The following DOCK5 variants were observed in gnomAD, a reference collection of about 807,000 sequenced individuals.
The protein encoded by DOCK5 is dedicator of cytokinesis protein 5.
In DOCK5, 142 loss-of-function variants were observed where a neutral mutation model predicts 251.8. The observed-to-expected ratio is 0.56, with a 90% CI of 0.49 to 0.65. The LOEUF (loss-of-function observed/expected upper bound fraction) is 0.65. DOCK5 is among the 30% of genes least tolerant of loss of function. DOCK5 has a pLI of 0.00. For synonymous variants in DOCK5, 842 were observed against 835.5 expected, an observed-to-expected ratio of 1.01 and a Z score of -0.13; for missense variants, 2,111 against 2,312.3, an observed-to-expected ratio of 0.91 and a Z score of 1.79.
chr8:25,363,226 C>T, intron 29 of DOCK5, 85 bp downstream of exon 29: 1 of 1,160,430 alleles, frequency 8.6e-7, no homozygotes, highest in Non-Finnish European at 1.3e-6. Context: ...CTTTAAATCC[C>T]TTTGCCTCAA....
At position 25,323,916 on chromosome 8, in the gene DOCK5, C is replaced by T. The variant is rs1299362195; in HGVS notation, c.1684C>T (p.Leu562=). Residue 562 remains leucine (L), a synonymous_variant, in exon 17 of 52, where the codon CTG becomes TTG. Coordinates refer to ENST00000276440, the MANE Select transcript of DOCK5 (RefSeq NM_024940.8). The stretch of plus-strand genomic sequence containing the variant: ...GCTGATGAACCCGGATGGCACCACT[C>T]TGCAGGATGGGAGGCACGATCTGGT... ...VKLMNPDGTT[L]QDGRHDLVVY... The T allele has an allele frequency of 6.2e-7, 1 of 1,613,336 alleles. No individual in the cohort carries two copies. Among genetic ancestry groups the T allele is most frequent in the Admixed American group, 1.7e-5 (1 of 59,948 alleles).
At chr8:25,381,934 G>T (rs1284450061) in intron 39 of DOCK5, among the ~76,000 whole-genome samples, 3 of 152,062 alleles carry the variant, frequency 2.0e-5, no homozygotes, top group Non-Finnish European at 4.4e-5. Context: ...CCACCTTCTG[G>T]GCACTTATAA....
At chr8:25,341,952 A>G in intron 24 of DOCK5, 143 bp downstream of exon 24, 2 of 701,454 alleles carry the variant, frequency 2.9e-6, no homozygotes, top group South Asian at 2.1e-5. Flanking sequence ...TCTGTGGAAG[A>G]TGCAAAAGAA....
intron 1 of DOCK5, among the ~76,000 whole-genome samples, chr8:25,188,373 A>G (rs1717599318): frequency 1.3e-5 from 2 of 152,166 alleles, no homozygotes; most frequent in East Asian, 3.9e-4. Flanking sequence ...GGATGAAGGA[A>G]CCGTAGGATA....
intron 47 of DOCK5, among the ~76,000 whole-genome samples, chr8:25,402,336 G>T (rs767567587): frequency 6.6e-6 from 1 of 151,418 alleles, no homozygotes; most frequent in South Asian, 2.1e-4. Context: ...TCGCTCTGTC[G>T]CCCAGGCTGG....
intron 10 of DOCK5, 106 bp downstream of exon 10, chr8:25,302,560 C>G: frequency 7.2e-7 from 1 of 1,379,384 alleles, no homozygotes; most frequent in South Asian, 1.6e-5. Context: ...GATCCAGCTG[C>G]CCTGCTTCAA....
chr8:25,226,273 T>G (rs1268038784), intron 1 of DOCK5, among the ~76,000 whole-genome samples: 1 of 140,698 alleles, frequency 7.1e-6, no homozygotes, highest in African/African-American at 2.7e-5. Flanking sequence ...TTTTTTTTTT[T>G]TTTTTTTGGA....
chr8:25,214,369 GT>G (rs1428963437), intron 1 of DOCK5, among the ~76,000 whole-genome samples: 5 of 152,108 alleles, frequency 3.3e-5, no homozygotes, highest in African/African-American at 1.2e-4. Flanking sequence ...TGGACCCCGT[GT>G]TGGGTGTGTG....
intron 18 of DOCK5, among the ~76,000 whole-genome samples, chr8:25,330,133 G>A (rs1034051677): frequency 1.3e-5 from 2 of 152,186 alleles, no homozygotes; most frequent in Non-Finnish European, 2.9e-5. Flanking sequence ...TCAAGTGATG[G>A]AATGAGTGAT....
At chr8:25,189,019 T>C (rs890950461) in intron 1 of DOCK5, among the ~76,000 whole-genome samples, 5 of 149,466 alleles carry the variant, frequency 3.3e-5, no homozygotes, top group African/African-American at 9.7e-5. Flanking sequence ...GCAAAGCTTT[T>C]TTTTCTTTTC....
chr8:25,343,802 T>A (rs371868946), intron 25 of DOCK5, among the ~76,000 whole-genome samples: 2 of 151,976 alleles, frequency 1.3e-5, no homozygotes, highest in Non-Finnish European at 2.9e-5. Context: ...AAAGCAAGCG[T>A]TTTTTTGTTT....
At chr8:25,314,059 T>C (rs922219919) in intron 13 of DOCK5, among the ~76,000 whole-genome samples, 29 of 151,010 alleles carry the variant, frequency 1.9e-4, no homozygotes, top group African/African-American at 6.3e-4. Context: ...ACCTCTTTAA[T>C]GAATTCTAGG....
At chr8:25,318,006 G>A (rs1805305359) in intron 14 of DOCK5, among the ~76,000 whole-genome samples, 1 of 152,196 alleles carries the variant, frequency 6.6e-6, no homozygotes, top group Non-Finnish European at 1.5e-5. Flanking sequence ...AGAGCTGGGA[G>A]GGTATCTAAG....
chr8:25,187,261 G>A (rs1431783090), intron 1 of DOCK5, among the ~76,000 whole-genome samples: 8 of 135,396 alleles, frequency 5.9e-5, no homozygotes, highest in Non-Finnish European at 1.1e-4. Context: ...ACACACACAC[G>A]TATACACACA....
In DOCK5 at chr8:25,372,736, G is replaced by A. The variant is rs750320392; in HGVS notation, c.3684+18G>A. 17 of 1,604,412 alleles carry A rather than the reference G, an allele frequency of 1.1e-5. No individual in the cohort carries two copies. Among genetic ancestry groups the A allele is most frequent in the Middle Eastern group, 1.7e-4 (1 of 6,060 alleles). Reference sequence around the variant, plus strand: ...ACGTGCTGGTATGTGACATGCCTCCGGTGTGATGGGAGGGTACTGTCAGGC... The same window carrying A: ...ACGTGCTGGTATGTGACATGCCTCCAGTGTGATGGGAGGGTACTGTCAGGC... On this transcript the variant is annotated intron_variant, in intron 35 of 51. Transcript: ENST00000276440.
intron 45 of DOCK5, 60 bp downstream of exon 45, chr8:25,395,779 T>G: frequency 6.5e-7 from 1 of 1,548,884 alleles, no homozygotes; most frequent in South Asian, 1.2e-5. Context: ...TGTGCCTCCC[T>G]CTGTGCCATT....
chr8:25,392,214 G>A (rs1191576838), intron 43 of DOCK5, among the ~76,000 whole-genome samples: 1 of 150,998 alleles, frequency 6.6e-6, no homozygotes, highest in Non-Finnish European at 1.5e-5. Context: ...TGAGGCACGA[G>A]AATTGCTTAA....
At position 25,408,109 on chromosome 8, in the gene DOCK5, C is replaced by G. The variant is rs370704516; in HGVS notation, c.5220C>G (p.Ser1740Arg). The part of the protein sequence containing the change: ...SKFKRKDWSL[S>R]KSQVIAEKAP... ...TTAAGAGAAAAGACTGGAGTCTGAG[C>G]AAGTCCCAGGTCATTGCAGAGAAAG... Residue 1740 changes from serine to arginine, a missense_variant, in exon 49 of 52, where the codon AGC becomes AGG. Around this residue, in one of 3 missense-constraint regions of DOCK5, gnomAD observed 1,717 missense variants for 1,892.4 expected, o/e 0.91. Transcript: ENST00000276440. 5 of 1,599,248 alleles carry G rather than the reference C, an allele frequency of 3.1e-6. No homozygotes were observed. The East Asian group carries it at 1.1e-4, about 36-fold the overall frequency.
chr8:25,195,986 C>T (rs1017274719), intron 1 of DOCK5, among the ~76,000 whole-genome samples: 1 of 152,176 alleles, frequency 6.6e-6, no homozygotes, highest in African/African-American at 2.4e-5. Context: ...TTTGCCCACA[C>T]TTTGGAAAAT....
Sources: allele counts gnomAD v4.1 joint callset (sites outside exome capture counted in the v4.1 genomes callset), GRCh38; gene constraint gnomAD v4.1.1; regional missense constraint gnomAD v4.1.1; transcripts MANE v1.5; gene names NCBI Gene and HGNC (gene_info 2026-07-23, HGNC 2026-07-21).